Variants in CEP295 observed in about 807,000 individuals in gnomAD.
CEP295 encodes the protein centrosomal protein of 295 kDa.
In CEP295, 190 loss-of-function variants were observed where a neutral mutation model predicts 291.6. The observed-to-expected ratio is 0.65, with a 90% CI of 0.58 to 0.73. The LOEUF is 0.73. Among genes scored for constraint, CEP295 ranks in the 30% least tolerant of loss-of-function variants. CEP295 has a pLI of 0.00. For synonymous variants in CEP295, 993 were observed against 1,038.8 expected (o/e 0.96, Z 0.85); for missense variants, 2,863 against 2,949.4 (o/e 0.97, Z 0.68).
At chr11:93,669,554 C>T (rs1346450785) in intron 4 of CEP295, 123 bp from the exon 5 acceptor site, 3 of 598,430 alleles carry the variant, frequency 5.0e-6, no homozygotes. Flanking sequence ...ACATGTAAAG[C>T]TTACTGAGCC....
At chr11:93,702,161 G>A (rs1246915693) in intron 15 of CEP295, among the ~76,000 whole-genome samples, 2 of 151,968 alleles carry the variant, frequency 1.3e-5, no homozygotes, top group Non-Finnish European at 2.9e-5. Context: ...ATTTCACCAT[G>A]TTGGCCAGGC....
Position 93,702,578 on chromosome 11 carries a change from A to T in CEP295, c.5393A>T (p.Asp1798Val), listed in dbSNP as rs945037730. ...GNDQENIRHA[D>V]RNNSDDNHLA... ...GATCAAGAAAATATTAGGCATGCAG[A>T]TAGGAACAACTCTGATGATAATCAT... is the stretch of plus-strand genomic sequence containing the variant. Residue 1798 changes from aspartate (D) to valine (V), a missense_variant, in exon 16 of 30, where the codon GAT becomes GTT. Physicochemically the swap from Asp to Val is radical, Grantham distance 152. This residue lies in a region of CEP295 where 2,295 missense variants were observed against 2,335.7 expected (regional missense o/e 0.98). Coordinates refer to ENST00000325212, the MANE Select transcript of CEP295 (RefSeq NM_033395.2). 1.2e-5 allele frequency: 18 copies of T among 1,551,202 alleles called. No homozygotes were observed. In the African/African-American group the frequency reaches 2.2e-4, roughly 19 times the overall value.
In CEP295 at chr11:93,698,839, C is replaced by G; in HGVS notation, c.3927C>G (p.Gly1309=). 6.4e-7 allele frequency: 1 copy of G among 1,551,740 alleles called. No homozygotes were observed. Among genetic ancestry groups the G allele is most frequent in the Non-Finnish European group, 8.7e-7 (1 of 1,146,998 alleles). Residue 1309 remains glycine, a synonymous_variant, in exon 15 of 30, where the codon GGC becomes GGG. Transcript: ENST00000325212. ...CTTCGTTAGCTTCAGCTGAGTCTGG[C>G]ACAATCCTGGAACCTCTTTTTACAG... The part of the protein sequence containing the change: ...SFTSLASAES[G]TILEPLFTES...
chr11:93,728,625 G>GTTT, intron 24 of CEP295, 56 bp from the exon 25 acceptor site: 10 of 1,456,758 alleles, frequency 6.9e-6, no homozygotes, highest in Non-Finnish European at 9.1e-6. Flanking sequence ...AAAACGATTA[G>GTTT]TTTAAGTCTT....
At chr11:93,669,414 GTTT>G (rs35665508) in intron 4 of CEP295, among the ~76,000 whole-genome samples, 1 of 144,832 alleles carries the variant, frequency 6.9e-6, no homozygotes, top group African/African-American at 2.5e-5. Flanking sequence ...CAACATTTCT[GTTT>G]TTTTTTTTTT....
intron 7 of CEP295, among the ~76,000 whole-genome samples, chr11:93,683,300 A>G (rs1265132707): frequency 6.6e-6 from 1 of 152,192 alleles, no homozygotes; most frequent in Non-Finnish European, 1.5e-5. Flanking sequence ...CTTTCATTGT[A>G]CTTACTAACA....
chr11:93,689,602 C>G (rs1236210401), intron 10 of CEP295, among the ~76,000 whole-genome samples: 1 of 152,110 alleles, frequency 6.6e-6, no homozygotes, highest in Non-Finnish European at 1.5e-5. Context: ...TCTACCACTC[C>G]CCACCTCTAC....
At chr11:93,679,951 T>G (rs1246460799) in intron 7 of CEP295, among the ~76,000 whole-genome samples, 8 of 152,162 alleles carry the variant, frequency 5.3e-5, no homozygotes, top group Admixed American at 5.2e-4. Flanking sequence ...AAAAATAAAG[T>G]CATGATCCTT....
At chr11:93,705,212 C>G (rs892148634) in intron 17 of CEP295, among the ~76,000 whole-genome samples, 10 of 152,022 alleles carry the variant, frequency 6.6e-5, no homozygotes, top group Non-Finnish European at 1.3e-4. Context: ...GCATTCTTAA[C>G]AAGGGTGTTT....
Position 93,730,352 on chromosome 11 carries a change from C to T in CEP295, c.*83C>T, listed in dbSNP as rs1178910337. The T allele has an allele frequency of 1.2e-5, 13 of 1,043,626 alleles. No individual in the cohort carries two copies. Among genetic ancestry groups the T allele is most frequent in the African/African-American group, 4.7e-5 (3 of 63,272 alleles). The allele number at this position is 1,043,626 out of a possible 1,614,324, so 64.6% of individuals were successfully genotyped here. A position where few individuals can be genotyped will look rare whatever the true frequency, so the allele number is the denominator to read the frequency against. The stretch of plus-strand genomic sequence containing the variant: ...TATTTAAAGTCAATAAATTGTTATT[C>T]GAGGAATTCCATGTTGTGATTTCTT... On this transcript the variant is annotated 3_prime_UTR_variant, in exon 30 of 30. Coordinates refer to ENST00000325212, the MANE Select transcript of CEP295 (RefSeq NM_033395.2).
At chr11:93,724,427 G>C (rs567922250) in intron 22 of CEP295, 52 bp downstream of exon 22, 7 of 1,512,728 alleles carry the variant, frequency 4.6e-6, no homozygotes, top group Non-Finnish European at 5.4e-6. Context: ...ATAGTTTTAA[G>C]CCATTTCTTC....
At chr11:93,688,061 A>G (rs530367275) in intron 10 of CEP295, among the ~76,000 whole-genome samples, 196 bp downstream of exon 10, 6 of 152,296 alleles carry the variant, frequency 3.9e-5, no homozygotes, top group Non-Finnish European at 5.9e-5. Context: ...AGTTATTTAT[A>G]TATATTAATT....
In CEP295 at chr11:93,674,789, T is replaced by A. The variant is rs16919182; in HGVS notation, c.529-782T>A. Among the ~76,000 whole-genome samples, 1,506 of 152,330 alleles carry A rather than the reference T, an allele frequency of 9.9e-3. 24 individuals are homozygous for A. The highest frequency in any genetic ancestry group is 0.035 in the African/African-American group (1,442 of 41,566). On this transcript the variant is annotated intron_variant, in intron 5 of 29. Coordinates refer to ENST00000325212, the MANE Select transcript of CEP295 (RefSeq NM_033395.2). Reference sequence around the variant, plus strand: ...TCTGTAAAATGCATGGTTTATTATTTAATTTATGTGTAATCGTTAGAACTT... The same window carrying A: ...TCTGTAAAATGCATGGTTTATTATTAAATTTATGTGTAATCGTTAGAACTT...
At chr11:93,717,029 G>T (rs1417929124) in intron 18 of CEP295, among the ~76,000 whole-genome samples, 1 of 152,214 alleles carries the variant, frequency 6.6e-6, no homozygotes, top group Admixed American at 6.5e-5. Flanking sequence ...AAGGAGTGCT[G>T]GGAGAGTCTA....
At chr11:93,687,510 A>G in intron 9 of CEP295, 134 bp from the exon 10 acceptor site, 2 of 579,464 alleles carry the variant, frequency 3.5e-6, no homozygotes, top group Non-Finnish European at 6.1e-6. Flanking sequence ...ATATACTGTT[A>G]AATCGTAAAT....
In CEP295 at chr11:93,695,523, A is replaced by G; in HGVS notation, c.1560A>G (p.Gln520=). Residue 520 remains glutamine, a synonymous_variant, in exon 13 of 30, where the codon CAA becomes CAG. Transcript: ENST00000325212. ...TAATGGAAATAGAAGAGCAGAAGCA[A>G]AAGCAATTGGAATTACTTGAACAAA... The part of the protein sequence containing the change: ...KQIMEIEEQK[Q]KQLELLEQIE... The G allele has an allele frequency of 6.8e-7, 1 of 1,466,728 alleles. No homozygotes were observed. 90.9% of individuals were successfully genotyped at this position (1,466,728 alleles called of 1,614,324 possible). A position where few individuals can be genotyped will look rare whatever the true frequency, so the allele number is the denominator to read the frequency against.
At position 93,729,741 on chromosome 11, in the gene CEP295, A is replaced by T; in HGVS notation, c.7527A>T (p.Glu2509Asp). 6.5e-7 allele frequency: 1 copy of T among 1,549,454 alleles called. No homozygotes were observed. The change falls in exon 27 of 30, where the codon GAA (glutamate) becomes GAT (aspartate). Residue 2509 changes from glutamate (E) to aspartate (D), a missense_variant. Physicochemically the swap from Glu to Asp is conservative, Grantham distance 45. Around this residue, in one of 3 missense-constraint regions of CEP295, gnomAD observed 2,295 missense variants for 2,335.7 expected, o/e 0.98. Transcript: ENST00000325212. ...KEIRNKIHVS[E>D]NSQIKTVKEK... ...TAAGGAATAAAATTCATGTCTCTGAAAATTCTCAAATCAAAACAGTTAAAG... is the reference window on the plus strand; with the variant it reads ...TAAGGAATAAAATTCATGTCTCTGATAATTCTCAAATCAAAACAGTTAAAG...
intron 9 of CEP295, among the ~76,000 whole-genome samples, chr11:93,686,290 G>T (rs1246328958): frequency 6.7e-6 from 1 of 149,972 alleles, no homozygotes; most frequent in Admixed American, 6.7e-5. Context: ...CTGCACTCCA[G>T]CCTGGGCAAC....
intron 17 of CEP295, 53 bp from the exon 18 acceptor site, chr11:93,706,692 T>A: frequency 7.0e-7 from 1 of 1,435,082 alleles, no homozygotes; most frequent in Non-Finnish European, 9.3e-7. Flanking sequence ...GCACTTTAGT[T>A]CTAGCTATTA....
Sources: allele counts gnomAD v4.1 joint callset (sites outside exome capture counted in the v4.1 genomes callset), GRCh38; gene constraint gnomAD v4.1.1; regional missense constraint gnomAD v4.1.1; transcripts MANE v1.5; gene names NCBI Gene and HGNC (gene_info 2026-07-23, HGNC 2026-07-21).